The following SASH1 variants were observed in gnomAD, a reference collection of about 807,000 sequenced individuals.
SASH1 encodes the protein SAM and SH3 domain containing 1, also known as SAM and SH3 domain-containing protein 1.
A neutral mutation model predicts 125.2 loss-of-function variants in SASH1; 44 were observed. The ratio of observed to expected loss-of-function variants is 0.35; its 90% confidence interval spans 0.28 to 0.45. The LOEUF is 0.45. Ranked by LOEUF, SASH1 falls within the 20% of genes least tolerant of loss-of-function variation. SASH1 has a pLI of 1.00. For missense variants in SASH1, 1,426 were observed against 1,614.5 expected, an observed-to-expected ratio of 0.88 and a Z score of 2.00; for synonymous variants, 639 against 649.1, an observed-to-expected ratio of 0.98 and a Z score of 0.24.
At chr6:148,196,755 A>G in the SASH1 span, among the ~76,000 whole-genome samples, 1 of 152,224 alleles carries the variant, frequency 6.6e-6, no homozygotes, top group Admixed American at 6.5e-5. Context: ...AATAATATAT[A>G]ATTGAGTGGC....
intron 8 of SASH1, chr6:148,512,543 TCA>T: frequency 1.0e-6 from 1 of 985,304 alleles, no homozygotes; most frequent in Non-Finnish European, 1.2e-6. Context: ...AACCATTTCA[TCA>T]CATGTCAACA....
chr6:148,517,156 G>C lies in SASH1; in HGVS notation c.863-2391G>C, dbSNP rs559029876. Among the ~76,000 whole-genome samples, 17 of 152,232 alleles carry C rather than the reference G, an allele frequency of 1.1e-4. No homozygotes were observed. The East Asian group carries it at 2.9e-3, about 26-fold the overall frequency. On this transcript the variant is annotated intron_variant, in intron 9 of 19. Transcript: ENST00000367467. ...CTCTTTTATGAGGATAATGTTTACTGTTATCATCACAACAGCCTTGCCAGG... is the reference window on the plus strand; with the variant it reads ...CTCTTTTATGAGGATAATGTTTACTCTTATCATCACAACAGCCTTGCCAGG...
intron 1 of SASH1, among the ~76,000 whole-genome samples, chr6:148,362,119 G>A (rs1370079658): frequency 1.3e-5 from 2 of 151,560 alleles, no homozygotes; most frequent in Non-Finnish European, 2.9e-5. Flanking sequence ...AGTAGAGACG[G>A]GGTTTCTCCG....
chr6:148,244,169 C>T, the SASH1 span, among the ~76,000 whole-genome samples: 2 of 152,218 alleles, frequency 1.3e-5, no homozygotes, highest in African/African-American at 2.4e-5. Context: ...CATCTTCCCC[C>T]TTTCCCAGCT....
intron 7 of SASH1, among the ~76,000 whole-genome samples, chr6:148,481,428 G>C (rs1050860056): frequency 6.6e-6 from 1 of 152,118 alleles, no homozygotes; most frequent in Non-Finnish European, 1.5e-5. Flanking sequence ...CAACTTAACT[G>C]TTGGATGCAA....
chr6:148,275,014 A>C (rs1156419763), intron 1 of SASH1, among the ~76,000 whole-genome samples: 1 of 152,142 alleles, frequency 6.6e-6, no homozygotes, highest in Non-Finnish European at 1.5e-5. Context: ...CACCATGCCA[A>C]TTCACAGAAC....
chr6:148,364,966 T>C (rs1421238787), intron 1 of SASH1, among the ~76,000 whole-genome samples: 1 of 151,816 alleles, frequency 6.6e-6, no homozygotes, highest in Admixed American at 6.6e-5. Context: ...CTACCAAAAA[T>C]ACAAAAATTA....
At chr6:148,284,340 G>A (rs182855605) in intron 1 of SASH1, among the ~76,000 whole-genome samples, 63 of 152,286 alleles carry the variant, frequency 4.1e-4, no homozygotes, top group African/African-American at 1.4e-3. Context: ...TCAGGAGGCT[G>A]AGGCATGAGA....
chr6:148,365,328 A>G (rs1426938459), intron 1 of SASH1, among the ~76,000 whole-genome samples: 2 of 151,718 alleles, frequency 1.3e-5, no homozygotes, highest in African/African-American at 4.8e-5. Context: ...AGCACCTACT[A>G]TTTGTATCAG....
At chr6:148,400,702 G>A (rs1055045437) in intron 2 of SASH1, among the ~76,000 whole-genome samples, 1 of 152,172 alleles carries the variant, frequency 6.6e-6, no homozygotes, top group Non-Finnish European at 1.5e-5. Flanking sequence ...AGTGAGCCAT[G>A]ATAGCGCCAC....
intron 1 of SASH1, among the ~76,000 whole-genome samples, chr6:148,343,562 A>G (rs1238339813): frequency 6.6e-6 from 1 of 152,350 alleles, no homozygotes. Context: ...GTGCTGGATT[A>G]GGGAAAAGGC....
chr6:148,287,229 G>A (rs1364846027), intron 1 of SASH1, among the ~76,000 whole-genome samples: 1 of 152,162 alleles, frequency 6.6e-6, no homozygotes, highest in African/African-American at 2.4e-5. Flanking sequence ...GCAATTATGG[G>A]GTGCTGATGT....
intron 13 of SASH1, 144 bp downstream of exon 13, chr6:148,531,805 C>G: frequency 1.6e-6 from 1 of 614,158 alleles, no homozygotes; most frequent in East Asian, 3.5e-5. Context: ...AATAAACTCT[C>G]TGGACTCAGA....
At position 148,294,141 on chromosome 6, in the gene SASH1, C is replaced by T. The variant is rs1273338946; in HGVS notation, n.74+21764C>T. On this transcript the variant is annotated intron_variant and non_coding_transcript_variant, in intron 1 of 3. Coordinates refer to the SASH1 transcript ENST00000367469. Reference sequence around the variant, plus strand: ...GCCCAAGTGGCACTGGTCATTTGCACATTTCTAAAGAGGCGTGCTTGGATT... The same window carrying T: ...GCCCAAGTGGCACTGGTCATTTGCATATTTCTAAAGAGGCGTGCTTGGATT... 3.9e-5 allele frequency among the ~76,000 whole-genome samples: 6 copies of T among 152,344 alleles called. No homozygotes were observed. The East Asian group carries it at 1.2e-3, about 29-fold the overall frequency.
chr6:148,242,778 A>G, the SASH1 span, among the ~76,000 whole-genome samples: 2 of 152,174 alleles, frequency 1.3e-5, no homozygotes, highest in African/African-American at 2.4e-5. Flanking sequence ...TGGTTCATCT[A>G]CAGATAGACA....
chr6:148,328,464 G>A (rs1025182156), intron 1 of SASH1, among the ~76,000 whole-genome samples: 2 of 151,904 alleles, frequency 1.3e-5, no homozygotes, highest in East Asian at 1.9e-4. Context: ...GCAGTGGTGG[G>A]CACCTGTAAT....
rs765539776 is a variant in SASH1 at position 148,343,184 on chromosome 6, G to T, written c.117G>T (p.Glu39Asp). The T allele has an allele frequency of 6.2e-7, 1 of 1,600,258 alleles. No individual in the cohort carries two copies. Among genetic ancestry groups the T allele is most frequent in the East Asian group, 2.2e-5 (1 of 44,788 alleles). The change falls in exon 1 of 20, where the codon GAG (glutamate) becomes GAT (aspartate). Residue 39 changes from glutamate to aspartate, a missense_variant. This residue lies in a region of SASH1 where 567 missense variants were observed against 575.6 expected (regional missense o/e 0.99). Transcript: ENST00000367467. ...PEPKPGAGTS[E>D]AFSRLWTDVM... ...CCAAGCCGGGTGCTGGCACATCCGAGGCGTTCTCCCGACTCTGGACCGACG... is the reference window on the plus strand; with the variant it reads ...CCAAGCCGGGTGCTGGCACATCCGATGCGTTCTCCCGACTCTGGACCGACG...
chr6:148,360,643 C>A (rs965010855), intron 1 of SASH1, among the ~76,000 whole-genome samples: 1 of 146,894 alleles, frequency 6.8e-6, no homozygotes, highest in Non-Finnish European at 1.5e-5. Context: ...GCCACCCCCC[C>A]GCCAGGCTTT....
intron 1 of SASH1, among the ~76,000 whole-genome samples, chr6:148,353,268 G>T (rs917917206): frequency 9.2e-5 from 14 of 151,466 alleles, no homozygotes; most frequent in Non-Finnish European, 1.3e-4. Flanking sequence ...GCATTGGAGG[G>T]GTCTCTTTTT....
Sources: allele counts gnomAD v4.1 joint callset (sites outside exome capture counted in the v4.1 genomes callset), GRCh38; gene constraint gnomAD v4.1.1; regional missense constraint gnomAD v4.1.1; transcripts MANE v1.5; gene names NCBI Gene and HGNC (gene_info 2026-07-23, HGNC 2026-07-21).